Variants in EVA1C observed in about 807,000 individuals in gnomAD.
EVA1C encodes the protein protein eva-1 homolog C.
In EVA1C, 25 loss-of-function variants were observed where a neutral mutation model predicts 45.4. That is an observed-to-expected ratio of 0.55 (90% CI 0.40 to 0.77). The LOEUF (loss-of-function observed/expected upper bound fraction) is 0.77, where lower values mean the gene tolerates loss of function less well. Among genes scored for constraint, EVA1C ranks in the 30% least tolerant of loss-of-function variants. The probability of loss-of-function intolerance (pLI) is 0.00; values close to 1 mark genes in which losing one functional copy is unlikely to be tolerated. For missense variants in EVA1C, 479 were observed against 554.8 expected (o/e 0.86, Z 1.37); for synonymous variants, 190 against 221.2 (o/e 0.86, Z 1.25).
intron 4 of EVA1C, among the ~76,000 whole-genome samples, chr21:32,470,029 G>A (rs2036312172): frequency 6.6e-6 from 1 of 152,196 alleles, no homozygotes; most frequent in Non-Finnish European, 1.5e-5. Flanking sequence ...TCTCTCTGCT[G>A]TATTACCAGA....
Position 32,514,927 on chromosome 21 carries a change from C to A in EVA1C, c.1063C>A (p.Gln355Lys). The change falls in exon 8 of 8, where the codon CAG becomes AAG. Residue 355 changes from glutamine (Q) to lysine (K), a missense_variant. This residue lies in a region of EVA1C where 366 missense variants were observed against 426.1 expected (regional missense o/e 0.86). Transcript: ENST00000300255. ...ESCAKDFRDL[Q>K]LGREQLVPGS... ...CTGTGCCAAGGACTTCCGCGACTTG[C>A]AGCTGGGGAGGGAGCAGCTGGTGCC... is the stretch of plus-strand genomic sequence containing the variant. 6.2e-7 allele frequency: 1 copy of A among 1,614,128 alleles called. No homozygotes were observed. The highest frequency in any genetic ancestry group is 8.5e-7 in the Non-Finnish European group (1 of 1,180,026).
chr21:32,497,438 C>T (rs10483012), intron 5 of EVA1C: 4,244 of 227,672 alleles, frequency 0.019, 49 homozygotes, highest in Non-Finnish European at 0.025. Context: ...TACATATTAT[C>T]TTATTGGAGT....
At chr21:32,440,101 G>A (rs546634908) in intron 1 of EVA1C, among the ~76,000 whole-genome samples, 2 of 152,170 alleles carry the variant, frequency 1.3e-5, no homozygotes, top group East Asian at 1.9e-4. Context: ...TGGTCCTTCC[G>A]ATTGGTTAGC....
At position 32,514,968 on chromosome 21, in the gene EVA1C, C is replaced by G; in HGVS notation, c.1104C>G (p.Val368=). ...AGCTGGTGCCAGGAAGTGACAAGGT[C>G]GAGGAGGACAGCGAGGATGAAGAAG... is the stretch of plus-strand genomic sequence containing the variant. The part of the protein sequence containing the change: ...REQLVPGSDK[V]EEDSEDEEEE... Residue 368 remains valine, a synonymous_variant, in exon 8 of 8, where the codon GTC becomes GTG. Transcript: ENST00000300255. 6.2e-7 allele frequency: 1 copy of G among 1,614,034 alleles called. No individual in the cohort carries two copies. Among genetic ancestry groups the G allele is most frequent in the South Asian group, 1.1e-5 (1 of 91,074 alleles).
chr21:32,459,827 C>A (rs1013519376), intron 3 of EVA1C, among the ~76,000 whole-genome samples: 1 of 117,546 alleles, frequency 8.5e-6, no homozygotes. Flanking sequence ...GGTGACAGAG[C>A]GAGACTGTCT....
At chr21:32,416,327 T>C (rs76652934) in intron 1 of EVA1C, among the ~76,000 whole-genome samples, 893 of 66,800 alleles carry the variant, frequency 0.013, 6 homozygotes, top group African/African-American at 0.053. Context: ...TTTTCTTTTT[T>C]TTTTTTTTTT....
In EVA1C at chr21:32,444,120, A is replaced by T. The variant is rs140769904; in HGVS notation, c.161-9192A>T. ...CTCAAAGTACTTTCTCTATTCTTTC[A>T]CTCAACAACAATCAACACGGAATAT... On this transcript the variant is annotated intron_variant, in intron 1 of 7. Transcript: ENST00000300255. 1.1e-4 allele frequency among the ~76,000 whole-genome samples: 16 copies of T among 151,794 alleles called. No individual in the cohort carries two copies. The East Asian group carries it at 3.1e-3, about 29-fold the overall frequency.
At chr21:32,463,673 G>A (rs1034237883) in intron 3 of EVA1C, among the ~76,000 whole-genome samples, 2 of 151,802 alleles carry the variant, frequency 1.3e-5, no homozygotes, top group African/African-American at 2.4e-5. Flanking sequence ...TTAATGAATG[G>A]GCTTTAATAA....
At chr21:32,480,255 C>T (rs1305408536) in intron 4 of EVA1C, among the ~76,000 whole-genome samples, 1 of 138,844 alleles carries the variant, frequency 7.2e-6, no homozygotes, top group Non-Finnish European at 1.5e-5. Context: ...GAGCAATAAT[C>T]GTGCCACTAC....
At chr21:32,502,456 G>A (rs1018691052) in intron 6 of EVA1C, among the ~76,000 whole-genome samples, 4 of 152,010 alleles carry the variant, frequency 2.6e-5, no homozygotes, top group African/African-American at 9.7e-5. Context: ...GAGTTGAGGG[G>A]GTTGAGCATT....
In EVA1C at chr21:32,506,501, G is replaced by A. The variant is rs527772606; in HGVS notation, c.949+2486G>A. On this transcript the variant is annotated intron_variant, in intron 7 of 7. Coordinates refer to ENST00000300255, the MANE Select transcript of EVA1C (RefSeq NM_058187.5). Reference sequence around the variant, plus strand: ...CTCCATATAATGTCCAAGAGAAAGAGTCTCTAAATGCACTGTGTTGGATGT... The same window carrying A: ...CTCCATATAATGTCCAAGAGAAAGAATCTCTAAATGCACTGTGTTGGATGT... 2.0e-5 allele frequency among the ~76,000 whole-genome samples: 3 copies of A among 152,094 alleles called. No homozygotes were observed. The South Asian group carries it at 6.2e-4, about 32-fold the overall frequency.
chr21:32,414,682 C>A (rs1299625765), intron 1 of EVA1C, among the ~76,000 whole-genome samples: 1 of 152,130 alleles, frequency 6.6e-6, no homozygotes, highest in African/African-American at 2.4e-5. Flanking sequence ...TGATTTGATA[C>A]ATGTTATTCT....
intron 4 of EVA1C, among the ~76,000 whole-genome samples, chr21:32,491,597 T>C (rs945072094): frequency 5.4e-5 from 8 of 147,952 alleles, no homozygotes; most frequent in African/African-American, 2.0e-4. Flanking sequence ...GGCAAGAGAA[T>C]TGGTTGAACC....
At chr21:32,478,291 T>C (rs1452053597) in intron 4 of EVA1C, among the ~76,000 whole-genome samples, 1 of 152,066 alleles carries the variant, frequency 6.6e-6, no homozygotes, top group Non-Finnish European at 1.5e-5. Context: ...CGATCTCAGC[T>C]CACTGCAACC....
At position 32,501,990 on chromosome 21, in the gene EVA1C, T is replaced by TTC. The variant is rs1191595379; in HGVS notation, c.859+497_859+498dup. Among the ~76,000 whole-genome samples, 13 of 7,568 alleles carry TTC rather than the reference T, an allele frequency of 1.7e-3. 1 individual carries two copies. Among genetic ancestry groups the TTC allele is most frequent in the African/African-American group, 4.7e-3 (12 of 2,578 alleles). 5.0% of individuals were successfully genotyped at this position (7,568 alleles called of 152,430 possible). On this transcript the variant is annotated intron_variant, in intron 6 of 7. Transcript: ENST00000300255. ...CCCTCTCTCTCTCTCGCTCTTTTCT[T>TTC]TCTTTCTTTCTTTCTTTCTTTCTTT...
upstream of EVA1C, among the ~76,000 whole-genome samples, chr21:32,411,778 T>G (rs539996369): frequency 6.6e-6 from 1 of 152,146 alleles, no homozygotes; most frequent in African/African-American, 2.4e-5. Context: ...GCGCGATCCA[T>G]AGGGTTTGGG....
chr21:32,451,058 G>A (rs2035561162), intron 1 of EVA1C, among the ~76,000 whole-genome samples: 1 of 152,178 alleles, frequency 6.6e-6, no homozygotes, highest in Non-Finnish European at 1.5e-5. Context: ...AGAGCACTCT[G>A]GGCTGGTGGG....
chr21:32,471,025 C>T (rs1015272803), intron 4 of EVA1C, among the ~76,000 whole-genome samples: 3 of 152,008 alleles, frequency 2.0e-5, no homozygotes, highest in Non-Finnish European at 4.4e-5. Context: ...TCCCACAGTA[C>T]TGGGATTACA....
intron 4 of EVA1C, among the ~76,000 whole-genome samples, chr21:32,472,378 C>T (rs938243112): frequency 5.3e-5 from 8 of 152,080 alleles, no homozygotes; most frequent in Non-Finnish European, 1.2e-4. Flanking sequence ...AGGCTGGTCT[C>T]GAACTCTTGA....
Sources: gnomAD v4.1 joint callset for allele counts (sites outside exome capture counted in the v4.1 genomes callset) on GRCh38, gnomAD v4.1.1 for gene constraint, gnomAD v4.1.1 regional missense constraint, MANE v1.5 for transcripts, NCBI Gene and HGNC (gene_info 2026-07-23, HGNC 2026-07-21) for gene names.